The following STIP1 variants were observed in gnomAD, a reference collection of about 807,000 sequenced individuals.
STIP1 encodes stress induced phosphoprotein 1, also known as stress-induced-phosphoprotein 1.
Under a neutral mutation model 77.4 loss-of-function variants are expected in STIP1, and 16 were observed. The ratio of observed to expected loss-of-function variants is 0.21; its 90% CI spans 0.14 to 0.31. STIP1 has a LOEUF of 0.31. Ranked by LOEUF, STIP1 falls within the 10% of genes least tolerant of loss-of-function variation. The probability of loss-of-function intolerance (pLI) is 1.00; values close to 1 mark genes in which losing one functional copy is unlikely to be tolerated. For synonymous variants in STIP1, 258 were observed against 246.6 expected, an observed-to-expected ratio of 1.05 and a Z score of -0.44; for missense variants, 524 against 684.8, an observed-to-expected ratio of 0.77 and a Z score of 2.62.
chr11:64,193,098 A>C lies in STIP1; in HGVS notation c.30A>C (p.Lys10Asn). 6.2e-7 allele frequency: 1 copy of C among 1,614,192 alleles called. No homozygotes were observed. Among genetic ancestry groups the C allele is most frequent in the Non-Finnish European group, 8.5e-7 (1 of 1,180,028 alleles). MEQVNELKE[K>N]GNKALSVGNI... is the part of the protein sequence containing the mutation. ...CTCAGGTCAATGAGCTGAAGGAGAA[A>C]GGCAACAAGGCCCTGAGCGTGGGTA... Residue 10 changes from lysine to asparagine, a missense_variant, in exon 2 of 14, where the codon AAA (lysine) becomes AAC (asparagine). Lys to Asn is a moderately conservative substitution (Grantham distance 94, BLOSUM62 0). Coordinates refer to ENST00000305218, the MANE Select transcript of STIP1 (RefSeq NM_006819.3).
At position 64,202,714 on chromosome 11, in the gene STIP1, C is replaced by G. The variant is rs933472693; in HGVS notation, c.1246-162C>G. On this transcript the variant is annotated intron_variant, in intron 10 of 13. Coordinates refer to ENST00000305218, the MANE Select transcript of STIP1 (RefSeq NM_006819.3). Reference sequence around the variant, plus strand: ...CTCTTGCAGAGTCCAGGCAGTTTGTCTTGTGTGGGATGATCCATCATCTGG... The same window carrying G: ...CTCTTGCAGAGTCCAGGCAGTTTGTGTTGTGTGGGATGATCCATCATCTGG... The G allele has an allele frequency of 2.2e-5, 16 of 728,766 alleles. No individual in the cohort carries two copies. In the Middle Eastern group the frequency reaches 7.3e-4, roughly 33 times the overall value. The allele number at this position is 728,766 out of a possible 1,614,324, so 45.1% of individuals were successfully genotyped here.
chr11:64,199,931 G>A lies in STIP1; in HGVS notation c.1024-9G>A, dbSNP rs771695510. On this transcript the variant is annotated splice_polypyrimidine_tract_variant and intron_variant, in intron 8 of 13. Coordinates refer to ENST00000305218, the MANE Select transcript of STIP1 (RefSeq NM_006819.3). ...TTTAAATTATTATTTCAAGAATTATGTTTTGTAGGCAGAGAAAATCCTGAA... is the reference window on the plus strand; with the variant it reads ...TTTAAATTATTATTTCAAGAATTATATTTTGTAGGCAGAGAAAATCCTGAA... 1.2e-6 allele frequency: 2 copies of A among 1,613,978 alleles called. No homozygotes were observed. The highest frequency in any genetic ancestry group is 2.2e-5 in the South Asian group (2 of 91,064).
chr11:64,202,714 C>CT lies in STIP1; in HGVS notation c.1246-160dup, dbSNP rs1244432916. 1.1e-5 allele frequency: 8 copies of CT among 728,766 alleles called. No individual in the cohort carries two copies. The East Asian group carries it at 2.0e-4, about 18-fold the overall frequency. 45.1% of individuals were successfully genotyped at this position (728,766 alleles called of 1,614,324 possible). A position where few individuals can be genotyped will look rare whatever the true frequency, so the allele number is the denominator to read the frequency against. On this transcript the variant is annotated intron_variant, in intron 10 of 13. Transcript: ENST00000305218. ...CTCTTGCAGAGTCCAGGCAGTTTGTCTTGTGTGGGATGATCCATCATCTGG... is the reference window on the plus strand; with the variant it reads ...CTCTTGCAGAGTCCAGGCAGTTTGTCTTTGTGTGGGATGATCCATCATCTGG...
chr11:64,194,826 G>C (rs1402615865), intron 4 of STIP1, among the ~76,000 whole-genome samples: 1 of 152,024 alleles, frequency 6.6e-6, no homozygotes, highest in Non-Finnish European at 1.5e-5. Context: ...AATGTTCTTT[G>C]TCATCTGTAT....
chr11:64,204,002 A>G (rs1450423395), intron 13 of STIP1, 52 bp from the exon 14 acceptor site: 32 of 1,599,998 alleles, frequency 2.0e-5, no homozygotes, highest in Non-Finnish European at 2.6e-5. Flanking sequence ...TCTGAGAGCA[A>G]GTAAGACTTT....
intron 1 of STIP1, chr11:64,186,522 G>C: frequency 3.2e-6 from 1 of 316,388 alleles, no homozygotes; most frequent in Admixed American, 5.2e-5. Flanking sequence ...CACAGCTTGG[G>C]TGAGTCCGGC....
rs948987354 is a variant in STIP1 at position 64,200,545 on chromosome 11, A to G, written c.1245+252A>G. Among the ~76,000 whole-genome samples, 296 of 146,886 alleles carry G rather than the reference A, an allele frequency of 2.0e-3. 3 individuals carry two copies. The highest frequency in any genetic ancestry group is 6.9e-3 in the African/African-American group (272 of 39,620). ...CAGATTTATAGGGGTGTGTGTGTGT[A>G]TGTGTGTGTGCGTGTGTAAAATATG... On this transcript the variant is annotated intron_variant, in intron 10 of 13. Transcript: ENST00000305218.
At chr11:64,193,324 G>A (rs1946113432) in intron 2 of STIP1, 37 bp downstream of exon 2, 2 of 1,604,828 alleles carry the variant, frequency 1.2e-6, no homozygotes, top group Non-Finnish European at 1.7e-6. Context: ...AGGCCCTTCA[G>A]ACCCTTCCAG....
intron 1 of STIP1, among the ~76,000 whole-genome samples, chr11:64,188,610 C>T (rs890304521): frequency 6.6e-6 from 1 of 152,248 alleles, no homozygotes; most frequent in Admixed American, 6.5e-5. Flanking sequence ...TTTCTAGGCT[C>T]AAGCAATCCT....
At chr11:64,189,264 G>C (rs1408363139) in intron 1 of STIP1, among the ~76,000 whole-genome samples, 1 of 152,220 alleles carries the variant, frequency 6.6e-6, no homozygotes, top group Non-Finnish European at 1.5e-5. Context: ...GGGAGGCTGA[G>C]GCAGGAGAAT....
At chr11:64,196,297 G>A (rs1211132772) in intron 5 of STIP1, among the ~76,000 whole-genome samples, 1 of 150,696 alleles carries the variant, frequency 6.6e-6, no homozygotes, top group Non-Finnish European at 1.5e-5. Flanking sequence ...TCGGGAGGCT[G>A]AGGCAGAAGA....
intron 12 of STIP1, 95 bp from the exon 13 acceptor site, chr11:64,203,355 C>A: frequency 6.3e-7 from 1 of 1,585,486 alleles, no homozygotes; most frequent in African/African-American, 1.3e-5. Context: ...CTTGTTCTCT[C>A]TCCCCTTGTC....
chr11:64,196,658 CTT>C (rs1388661352), intron 5 of STIP1, among the ~76,000 whole-genome samples: 5 of 152,194 alleles, frequency 3.3e-5, no homozygotes, highest in Admixed American at 1.3e-4. Flanking sequence ...AAGCAGCACT[CTT>C]TTAGAGCAGA....
At chr11:64,203,380 T>C in intron 12 of STIP1, 70 bp from the exon 13 acceptor site, 2 of 1,604,012 alleles carry the variant, frequency 1.2e-6, no homozygotes, top group African/African-American at 1.3e-5. Context: ...ACCTCTGTTA[T>C]CTTGGACCTG....
chr11:64,195,792 T>A lies in STIP1; in HGVS notation c.651T>A (p.Asp217Glu). Residue 217 changes from aspartate (D) to glutamate (E), a missense_variant, in exon 5 of 14, where the codon GAT becomes GAA. Transcript: ENST00000305218. Reference sequence around the variant, plus strand: ...CCAAGCCAGAGCCAATGGAAGAAGATCTTCCAGAGAATAAGAAGCAGGTCT... The same window carrying A: ...CCAAGCCAGAGCCAATGGAAGAAGAACTTCCAGAGAATAAGAAGCAGGTCT... ...KETKPEPMEE[D>E]LPENKKQALK... The A allele has an allele frequency of 6.2e-7, 1 of 1,614,110 alleles. No homozygotes were observed. Among genetic ancestry groups the A allele is most frequent in the African/African-American group, 1.3e-5 (1 of 75,010 alleles).
intron 5 of STIP1, chr11:64,196,697 C>T (rs976618104): frequency 6.4e-6 from 1 of 156,442 alleles, no homozygotes; most frequent in Non-Finnish European, 1.4e-5. Context: ...GATTTCATTT[C>T]CCTCCTTGTA....
chr11:64,191,275 A>G (rs1271845994), intron 1 of STIP1, among the ~76,000 whole-genome samples: 2 of 151,108 alleles, frequency 1.3e-5, no homozygotes, highest in Non-Finnish European at 2.9e-5. Flanking sequence ...ATGCCACTGC[A>G]CTCCAGGCTG....
upstream of STIP1, chr11:64,185,576 C>A (rs1485670402): frequency 3.6e-6 from 2 of 556,954 alleles, no homozygotes; most frequent in Non-Finnish European, 6.4e-6. Context: ...GGGCTGGGGC[C>A]CTGTGCCGCT....
intron 13 of STIP1, 161 bp downstream of exon 13, chr11:64,203,783 G>GGTTT: frequency 1.2e-6 from 1 of 845,378 alleles, no homozygotes; most frequent in South Asian, 1.7e-5. Context: ...AGCTGGAAGG[G>GGTTT]CTTTGTTAGT....
Sources: gnomAD v4.1 joint callset for allele counts (sites outside exome capture counted in the v4.1 genomes callset) on GRCh38, gnomAD v4.1.1 for gene constraint, MANE v1.5 for transcripts, NCBI Gene and HGNC (gene_info 2026-07-23, HGNC 2026-07-21) for gene names.